Variants in CFL1 observed in about 807,000 individuals in gnomAD.
CFL1 encodes cofilin-1.
Under a neutral mutation model 16.3 loss-of-function variants are expected in CFL1, and 2 were observed. That is an observed-to-expected ratio of 0.12 (90% CI 0.05 to 0.39). The LOEUF (loss-of-function observed/expected upper bound fraction) is 0.39. CFL1 is among the 10% of genes least tolerant of loss of function. The pLI is 0.99. For synonymous variants in CFL1, 111 were observed against 84.4 expected (o/e 1.31, Z -1.73); for missense variants, 75 against 212.2 (o/e 0.35, Z 4.02).
rs771359919 is a variant in CFL1 at position 65,858,138 on chromosome 11, A to G, written c.-39T>C. On this transcript the variant is annotated 5_prime_UTR_variant, in exon 1 of 4. Transcript: ENST00000308162. Reference sequence around the variant, plus strand: ...AAAAGGAGAGGGCACCGAGAGCCGCAGAAGACGAGAGCGCTGCAGCCGCTG... The same window carrying G: ...AAAAGGAGAGGGCACCGAGAGCCGCGGAAGACGAGAGCGCTGCAGCCGCTG... 6.6e-7 allele frequency: 1 copy of G among 1,519,428 alleles called. No individual in the cohort carries two copies. The highest frequency in any genetic ancestry group is 8.8e-7 in the Non-Finnish European group (1 of 1,133,288). 94.1% of individuals were successfully genotyped at this position (1,519,428 alleles called of 1,614,324 possible).
chr11:65,857,816 C>A (rs925620271), intron 1 of CFL1: 146 of 241,888 alleles, frequency 6.0e-4, no homozygotes, highest in Non-Finnish European at 9.9e-4. Context: ...GGCGCCCCAG[C>A]GCGCGCCCCG....
At position 65,855,295 on chromosome 11, in the gene CFL1, G is replaced by T. The variant is rs1201109049; in HGVS notation, c.*41C>A. The T allele has an allele frequency of 6.5e-7, 1 of 1,538,244 alleles. No homozygotes were observed. Among genetic ancestry groups the T allele is most frequent in the Non-Finnish European group, 9.0e-7 (1 of 1,113,530 alleles). ...CAGCCTGCAACCCCCAAGGGCAGGT[G>T]TGGGGCTGCCAGATGCTCCAGGCAG... On this transcript the variant is annotated 3_prime_UTR_variant, in exon 4 of 4. Transcript: ENST00000308162.
intron 3 of CFL1, 40 bp from the exon 4 acceptor site, chr11:65,855,488 C>A (rs1310543576): frequency 1.9e-6 from 3 of 1,598,202 alleles, no homozygotes; most frequent in Non-Finnish European, 2.6e-6. Flanking sequence ...GCAGGAAGCA[C>A]TGGGGTGGGG....
At chr11:65,856,971 G>A (rs903235939) in intron 1 of CFL1, 1 of 153,482 alleles carries the variant, frequency 6.5e-6, no homozygotes, top group Non-Finnish European at 1.5e-5. Flanking sequence ...GGAGAGGGAG[G>A]GGCAATCCAA....
chr11:65,856,028 T>C lies in CFL1; in HGVS notation c.218A>G (p.Lys73Arg). The change falls in exon 2 of 4, where the codon AAG (lysine) becomes AGG (arginine). Residue 73 changes from lysine to arginine, a missense_variant. Coordinates refer to ENST00000308162, the MANE Select transcript of CFL1 (RefSeq NM_005507.3). ...TVDDPYATFV[K>R]MLPDKDCRYA... Reference sequence around the variant, plus strand: ...GCGGCAGTCCTTATCTGGCAGCATCTTGACAAAGGTGGCGTAGGGGTCGTC... The same window carrying C: ...GCGGCAGTCCTTATCTGGCAGCATCCTGACAAAGGTGGCGTAGGGGTCGTC... 3 of 1,614,162 alleles carry C rather than the reference T, an allele frequency of 1.9e-6. No homozygotes were observed. The highest frequency in any genetic ancestry group is 1.7e-6 in the Non-Finnish European group (2 of 1,180,018).
chr11:65,857,414 C>T, intron 1 of CFL1: 1 of 436,664 alleles, frequency 2.3e-6, no homozygotes, highest in Admixed American at 2.4e-5. Flanking sequence ...GCCGTTCCAG[C>T]CCTCGCCCGA....
Position 65,858,100 on chromosome 11 carries a change from G to A in CFL1, c.-1C>T, listed in dbSNP as rs1859422148. 3 of 1,534,668 alleles carry A rather than the reference G, an allele frequency of 2.0e-6. No homozygotes were observed. Among genetic ancestry groups the A allele is most frequent in the Non-Finnish European group, 2.6e-6 (3 of 1,141,294 alleles). ...GGCGCCGTGGCCTGCCGCTCACCAT[G>A]TTTCCGGAAACGAAAAGGAGAGGGC... is the stretch of plus-strand genomic sequence containing the variant. On this transcript the variant is annotated 5_prime_UTR_variant, in exon 1 of 4. Transcript: ENST00000308162.
At position 65,855,169 on chromosome 11, in the gene CFL1, G is replaced by T; in HGVS notation, c.*167C>A. 1 of 600,052 alleles carries T rather than the reference G, an allele frequency of 1.7e-6. No homozygotes were observed. Among genetic ancestry groups the T allele is most frequent in the Non-Finnish European group, 3.0e-6 (1 of 334,954 alleles). The allele number at this position is 600,052 out of a possible 1,614,324, so 37.2% of individuals were successfully genotyped here. Reference sequence around the variant, plus strand: ...AACCGTCAAGGGATGGAGGGAGAAGGAAAATCCAGGGGGTGGGGGGTCTGT... The same window carrying T: ...AACCGTCAAGGGATGGAGGGAGAAGTAAAATCCAGGGGGTGGGGGGTCTGT... On this transcript the variant is annotated 3_prime_UTR_variant, in exon 4 of 4. Transcript: ENST00000308162.
chr11:65,857,463 A>C (rs7125986), intron 1 of CFL1: 237,455 of 412,074 alleles, frequency 0.58, 73,645 homozygotes, highest in Middle Eastern at 0.69. Flanking sequence ...TGCGCTCCCG[A>C]ACGGGCCGCG....
At chr11:65,855,909 A>C (rs1433815738) in intron 2 of CFL1, 26 bp downstream of exon 2, 1 of 1,598,310 alleles carries the variant, frequency 6.3e-7, no homozygotes, top group African/African-American at 1.3e-5. Context: ...GGCAGGTGAC[A>C]GGAAGAAGTG....
At chr11:65,857,640 CGAGG>C (rs1270527445) in intron 1 of CFL1, 3 of 220,352 alleles carry the variant, frequency 1.4e-5, no homozygotes, top group Non-Finnish European at 3.0e-5. Context: ...ACCCGGCTGC[CGAGG>C]GAGGGTGACG....
At chr11:65,857,972 T>G in intron 1 of CFL1, 125 bp downstream of exon 1, 1 of 1,059,968 alleles carries the variant, frequency 9.4e-7, no homozygotes, top group East Asian at 3.2e-5. Flanking sequence ...CGCCCCTTCG[T>G]GCGAGACCCT....
In CFL1 at chr11:65,855,372, GC is replaced by G. The variant is rs1265016434; in HGVS notation, c.464del (p.Gly155AlafsTer75). The G allele has an allele frequency of 6.2e-7, 1 of 1,612,174 alleles. No individual in the cohort carries two copies. The highest frequency in any genetic ancestry group is 8.5e-7 in the Non-Finnish European group (1 of 1,179,826). ...DRCTLAEKLG[G>X]SAVISLEGKP... Reference sequence around the variant, plus strand: ...TGCCCTCCAGGGAGATGACGGCACTGCCCCCCAGCTTCTCTGCCAGGGTGCA... The same window carrying G: ...TGCCCTCCAGGGAGATGACGGCACTGCCCCCAGCTTCTCTGCCAGGGTGCA... On this transcript the variant is annotated frameshift_variant, in exon 4 of 4. Transcript: ENST00000308162. LOFTEE classifies it high-confidence loss of function.
At chr11:65,855,887 C>G (rs1859376929) in intron 2 of CFL1, 48 bp downstream of exon 2, 4 of 1,579,686 alleles carry the variant, frequency 2.5e-6, no homozygotes, top group South Asian at 1.2e-5. Flanking sequence ...AAGTTCCCAT[C>G]ATGAGAAAGG....
At chr11:65,856,606 A>G (rs1034174895) in intron 1 of CFL1, 1 of 259,354 alleles carries the variant, frequency 3.9e-6, no homozygotes, top group African/African-American at 2.3e-5. Flanking sequence ...GGTGATTTAG[A>G]ACTTCGGATA....
intron 1 of CFL1, chr11:65,857,561 TCACCCCTCGCCGCGCCAGCACC>T (rs369907705): frequency 3.7e-5 from 9 of 241,842 alleles, no homozygotes; most frequent in African/African-American, 2.1e-4. Context: ...CTTCCCAGCA[TCACCCCTCGCCGCGCCAGCACC>T]CGCCCCTCCC....
chr11:65,855,561 G>A lies in CFL1; in HGVS notation c.388+93C>T, dbSNP rs1859370703. The A allele has an allele frequency of 5.1e-6, 8 of 1,555,878 alleles. No individual in the cohort carries two copies. In the South Asian group the frequency reaches 8.0e-5, roughly 16 times the overall value. On this transcript the variant is annotated intron_variant, in intron 3 of 3. Coordinates refer to ENST00000308162, the MANE Select transcript of CFL1 (RefSeq NM_005507.3). Reference sequence around the variant, plus strand: ...ATGGAAGGAACAAGCAGGCAGCGAAGACAAGGGGGCAGACCCCCTCTGCGT... The same window carrying A: ...ATGGAAGGAACAAGCAGGCAGCGAAAACAAGGGGGCAGACCCCCTCTGCGT...
intron 1 of CFL1, 23 bp from the exon 2 acceptor site, chr11:65,856,265 G>A (rs369515217): frequency 8.1e-6 from 13 of 1,602,150 alleles, no homozygotes; most frequent in South Asian, 4.4e-5. Flanking sequence ...CCACGTATAC[G>A]TCAAGAAAAG....
chr11:65,856,342 C>A (rs897348984), intron 1 of CFL1, 100 bp from the exon 2 acceptor site: 2 of 1,202,548 alleles, frequency 1.7e-6, no homozygotes, highest in East Asian at 4.7e-5. Context: ...GTCACTAGTG[C>A]CCTTCCCAAG....
Sources: allele counts gnomAD v4.1 joint callset, GRCh38; gene constraint gnomAD v4.1.1; transcripts MANE v1.5; gene names NCBI Gene and HGNC (gene_info 2026-07-23, HGNC 2026-07-21).